The following RASSF4 variants were observed in gnomAD, a reference collection of about 807,000 sequenced individuals.
RASSF4 encodes the protein ras association domain-containing protein 4.
A neutral mutation model predicts 41.1 loss-of-function variants in RASSF4; 38 were observed. The observed-to-expected ratio is 0.92, with a 90% CI of 0.71 to 1.21. RASSF4 has a LOEUF of 1.21. Among genes scored for constraint, RASSF4 ranks in the 50% most tolerant of loss-of-function variants. The pLI, the probability that RASSF4 is intolerant of heterozygous loss-of-function variation, is 0.00. For synonymous variants in RASSF4, 179 were observed against 163.4 expected (o/e 1.10, Z -0.73); for missense variants, 414 against 419.4 (o/e 0.99, Z 0.11).
intron 5 of RASSF4, 156 bp downstream of exon 5, chr10:44,984,269 G>C: frequency 4.4e-6 from 3 of 676,990 alleles, no homozygotes; most frequent in Non-Finnish European, 7.3e-6. Context: ...TGCCTGTGAG[G>C]TGCTCTGCCC....
intron 1 of RASSF4, among the ~76,000 whole-genome samples, chr10:44,968,034 A>G (rs769759217): frequency 5.3e-5 from 8 of 152,238 alleles, no homozygotes; most frequent in Non-Finnish European, 1.0e-4. Context: ...GAACTTGCTC[A>G]GTGAGCCCAG....
rs146647075 is a variant in RASSF4, at chr10:44,991,933, C to T, written c.836C>T (p.Pro279Leu). 8.5e-4 allele frequency: 1,369 copies of T among 1,612,850 alleles called. 14 individuals carry two copies. In the Middle Eastern group the frequency reaches 0.011, roughly 13 times the overall value. The change falls in exon 10 of 11, where the codon CCG (proline) becomes CTG (leucine). Residue 279 changes from proline (P) to leucine (L), a missense_variant. Physicochemically the swap from Pro to Leu is moderately conservative, Grantham distance 98. Coordinates refer to ENST00000340258, the MANE Select transcript of RASSF4 (RefSeq NM_032023.4). ...GCTCAGTACATTAAGTTTGAAATGC[C>T]GGTGCTGGACAGTTTTGTTGAAAAA... is the stretch of plus-strand genomic sequence containing the variant. ...EVAQYIKFEM[P>L]VLDSFVEKLK...
chr10:44,978,435 G>A (rs146091466), intron 3 of RASSF4, among the ~76,000 whole-genome samples: 3,037 of 152,264 alleles, frequency 0.02, 208 homozygotes, highest in Admixed American at 0.14. Flanking sequence ...ACCCCTGGCC[G>A]GGATGTTGTA....
rs768477818 is a variant in RASSF4, at chr10:44,991,882, TA to T, written c.808-19del. 24 of 1,539,648 alleles carry T rather than the reference TA, an allele frequency of 1.6e-5. No individual in the cohort carries two copies. The South Asian group carries it at 2.7e-4, about 17-fold the overall frequency. ...TTTTGGCTTCGAATTTAAAGCACAT[TA>T]AAATGTTCTTGGATTTTCTAGGTCG... On this transcript the variant is annotated intron_variant, in intron 9 of 10. Coordinates refer to ENST00000340258, the MANE Select transcript of RASSF4 (RefSeq NM_032023.4).
chr10:44,968,849 T>G (rs1244887651), intron 1 of RASSF4, among the ~76,000 whole-genome samples: 1 of 152,086 alleles, frequency 6.6e-6, no homozygotes, highest in Non-Finnish European at 1.5e-5. Flanking sequence ...GTGGGCAGGA[T>G]GTGGTGTGGC....
rs181254716 is a variant in RASSF4, at chr10:44,987,344, G to A, written c.532-1930G>A. Among the ~76,000 whole-genome samples the A allele has an allele frequency of 7.2e-4, 110 of 152,218 alleles. 3 individuals carry two copies. In the East Asian group the frequency reaches 0.018, roughly 25 times the overall value. On this transcript the variant is annotated intron_variant, in intron 6 of 10. Coordinates refer to ENST00000340258, the MANE Select transcript of RASSF4 (RefSeq NM_032023.4). ...GAACTCCTGACCTCGTGATCCGCCC[G>A]CCTTTGCCTACCAAAGTGCTGGGAT...
chr10:44,970,559 A>C, intron 2 of RASSF4: 1 of 362,620 alleles, frequency 2.8e-6, no homozygotes, highest in Non-Finnish European at 5.0e-6. Flanking sequence ...TTGCATGTTG[A>C]CAAATAGTAA....
intron 1 of RASSF4, among the ~76,000 whole-genome samples, chr10:44,967,564 T>C (rs2132764755): frequency 6.6e-6 from 1 of 152,342 alleles, no homozygotes; most frequent in East Asian, 1.9e-4. Flanking sequence ...GTGACGAATG[T>C]CCCTCAGCGG....
intron 9 of RASSF4, 184 bp downstream of exon 9, chr10:44,991,253 C>T (rs767231652): frequency 2.1e-6 from 1 of 467,162 alleles, no homozygotes; most frequent in Non-Finnish European, 3.7e-6. Context: ...CAGTGACCGC[C>T]AGCACCAGCA....
intron 6 of RASSF4, among the ~76,000 whole-genome samples, chr10:44,986,256 G>A (rs989219683): frequency 4.6e-5 from 7 of 152,188 alleles, no homozygotes; most frequent in Non-Finnish European, 8.8e-5. Context: ...TGGTACATTC[G>A]CTTCTCCTCG....
chr10:44,982,932 C>A (rs985002094), intron 4 of RASSF4: 1 of 677,262 alleles, frequency 1.5e-6, no homozygotes, highest in Admixed American at 2.1e-5. Context: ...CAAGAAGGGA[C>A]GACTACAGCC....
At chr10:44,975,361 G>T (rs1179185191) in intron 3 of RASSF4, among the ~76,000 whole-genome samples, 1 of 151,860 alleles carries the variant, frequency 6.6e-6, no homozygotes, top group Non-Finnish European at 1.5e-5. Context: ...GCCGCAAAGC[G>T]CTTCCCAGCC....
At chr10:44,984,411 C>G (rs1305934742) in intron 5 of RASSF4, 3 of 503,746 alleles carry the variant, frequency 6.0e-6, no homozygotes, top group Non-Finnish European at 1.1e-5. Flanking sequence ...GCACTGCGCT[C>G]TCCTGGCCCC....
intron 6 of RASSF4, among the ~76,000 whole-genome samples, chr10:44,986,912 T>A (rs1457543566): frequency 6.6e-6 from 1 of 152,234 alleles, no homozygotes; most frequent in East Asian, 1.9e-4. Context: ...TTCTACTGCC[T>A]GACCTATTGG....
At chr10:44,969,593 C>T (rs560121100) in intron 1 of RASSF4, among the ~76,000 whole-genome samples, 7 of 152,278 alleles carry the variant, frequency 4.6e-5, no homozygotes, top group African/African-American at 1.7e-4. Flanking sequence ...AGCTCTTGTC[C>T]CTGTCTTCTC....
intron 1 of RASSF4, among the ~76,000 whole-genome samples, chr10:44,969,280 G>A (rs74128120): frequency 0.032 from 4,811 of 152,182 alleles, 227 homozygotes; most frequent in African/African-American, 0.11. Context: ...TTTACTGTCC[G>A]TGAAAGAAAC....
In RASSF4 at chr10:44,995,558, T is replaced by C. The variant is rs948369603; in HGVS notation, c.*2229T>C. 2.6e-5 allele frequency: 4 copies of C among 152,240 alleles called. No homozygotes were observed. Among genetic ancestry groups the C allele is most frequent in the Non-Finnish European group, 5.9e-5 (4 of 68,036 alleles). The allele number at this position is 152,240 out of a possible 1,614,324, so 9.4% of individuals were successfully genotyped here. On this transcript the variant is annotated 3_prime_UTR_variant, in exon 11 of 11. Transcript: ENST00000340258. ...ATAAGTTCACTTTTAAAGTAGGTGTTATCAATCTAATTTCTGAACGTTATG... is the reference window on the plus strand; with the variant it reads ...ATAAGTTCACTTTTAAAGTAGGTGTCATCAATCTAATTTCTGAACGTTATG...
intron 2 of RASSF4, chr10:44,971,403 CA>C: frequency 2.2e-6 from 1 of 447,656 alleles, no homozygotes; most frequent in South Asian, 1.7e-5. Flanking sequence ...AGAGGCTGTA[CA>C]ATGCCAAAAG....
intron 1 of RASSF4, among the ~76,000 whole-genome samples, chr10:44,963,033 G>T (rs1840764687): frequency 6.6e-6 from 1 of 152,134 alleles, no homozygotes; most frequent in Non-Finnish European, 1.5e-5. Flanking sequence ...GGCCAGAACC[G>T]CAGCGGGGAG....
Sources: allele counts gnomAD v4.1 joint callset (sites outside exome capture counted in the v4.1 genomes callset), GRCh38; gene constraint gnomAD v4.1.1; transcripts MANE v1.5; gene names NCBI Gene and HGNC (gene_info 2026-07-23, HGNC 2026-07-21).